Variants in BFSP2 observed in about 807,000 individuals in gnomAD.
BFSP2 encodes the protein phakinin.
Under a neutral mutation model 44.9 loss-of-function variants are expected in BFSP2, and 38 were observed. The observed-to-expected ratio is 0.85, with a 90% confidence interval of 0.65 to 1.11. BFSP2 has a LOEUF of 1.11. Ranked by LOEUF, BFSP2 falls within the 50% of genes least tolerant of loss-of-function variation. The pLI, the probability that BFSP2 is intolerant of heterozygous loss-of-function variation, is 0.00. For missense variants in BFSP2, 525 were observed against 533.0 expected (o/e 0.99, Z 0.15); for synonymous variants, 197 against 209.9 (o/e 0.94, Z 0.53).
At chr3:133,415,228 CT>C (rs2073508108) in intron 1 of BFSP2, among the ~76,000 whole-genome samples, 3 of 128,134 alleles carry the variant, frequency 2.3e-5, no homozygotes, top group Non-Finnish European at 5.0e-5. Flanking sequence ...CTCCCCTCAC[CT>C]CTGTCCTCTC....
rs1437332616 is a variant in BFSP2, at chr3:133,411,233, C to G, written c.489+10661C>G. Among the ~76,000 whole-genome samples, 3 of 147,506 alleles carry G rather than the reference C, an allele frequency of 2.0e-5. No individual in the cohort carries two copies. In the East Asian group the frequency reaches 5.9e-4, roughly 29 times the overall value. ...TCACCTTTGGAGCCCACTGAGGAACCAACTCATTTTTAAAACTGGTAAATA... is the reference window on the plus strand; with the variant it reads ...TCACCTTTGGAGCCCACTGAGGAACGAACTCATTTTTAAAACTGGTAAATA... On this transcript the variant is annotated intron_variant, in intron 1 of 6. Transcript: ENST00000302334.
At chr3:133,450,032 G>A (rs941732534) in intron 3 of BFSP2, among the ~76,000 whole-genome samples, 1 of 106,518 alleles carries the variant, frequency 9.4e-6, no homozygotes, top group Non-Finnish European at 2.0e-5. Context: ...GAGGGAGGGG[G>A]AGGGAAGGAG....
intron 6 of BFSP2, among the ~76,000 whole-genome samples, chr3:133,473,753 T>G (rs945263627): frequency 1.3e-5 from 2 of 151,826 alleles, no homozygotes; most frequent in Non-Finnish European, 2.9e-5. Context: ...CAGCACATGT[T>G]TCAGAGAGCA....
intron 1 of BFSP2, among the ~76,000 whole-genome samples, chr3:133,406,743 G>A (rs909129012): frequency 6.6e-6 from 1 of 152,094 alleles, no homozygotes; most frequent in African/African-American, 2.4e-5. Flanking sequence ...TCTCTCGTTG[G>A]TTAGAGGCAG....
In BFSP2 at chr3:133,425,770, A is replaced by C. The variant is rs1475836002; in HGVS notation, c.490-21547A>C. 3.9e-4 allele frequency among the ~76,000 whole-genome samples: 16 copies of C among 40,514 alleles called. 1 individual carries two copies. The highest frequency in any genetic ancestry group is 2.5e-3 in the African/African-American group (14 of 5,710). 26.6% of individuals were successfully genotyped at this position (40,514 alleles called of 152,430 possible). ...TCTAAGCAGGACAAAGGGATGGGAA[A>C]GGGAAAGGGAAAGGGAAGGGAAGGG... is the stretch of plus-strand genomic sequence containing the variant. On this transcript the variant is annotated intron_variant, in intron 1 of 6. Coordinates refer to ENST00000302334, the MANE Select transcript of BFSP2 (RefSeq NM_003571.4).
At chr3:133,401,880 G>C (rs2073365402) in intron 1 of BFSP2, among the ~76,000 whole-genome samples, 1 of 152,106 alleles carries the variant, frequency 6.6e-6, no homozygotes, top group Non-Finnish European at 1.5e-5. Flanking sequence ...ATCCCAGGAT[G>C]CTTCTCCTGC....
chr3:133,450,997 G>A (rs1027652418), intron 4 of BFSP2, among the ~76,000 whole-genome samples: 1 of 151,434 alleles, frequency 6.6e-6, no homozygotes, highest in South Asian at 2.1e-4. Flanking sequence ...TGTAGTCCCC[G>A]CTACTCGGGA....
intron 1 of BFSP2, among the ~76,000 whole-genome samples, chr3:133,437,413 C>G (rs1017543932): frequency 3.9e-5 from 6 of 151,996 alleles, no homozygotes; most frequent in East Asian, 3.9e-4. Context: ...ATCCCAGCTA[C>G]CCAGGAGGCT....
At chr3:133,424,130 C>T (rs542675490) in intron 1 of BFSP2, among the ~76,000 whole-genome samples, 61 of 151,730 alleles carry the variant, frequency 4.0e-4, no homozygotes, top group Non-Finnish European at 7.2e-4. Context: ...CGGCTCACTG[C>T]AACCTCCGCC....
rs1576603814 is a variant in BFSP2 at position 133,475,089 on chromosome 3, A to G, written c.*117A>G. 10 of 1,458,214 alleles carry G rather than the reference A, an allele frequency of 6.9e-6. No homozygotes were observed. The East Asian group carries it at 2.3e-4, about 33-fold the overall frequency. 90.3% of individuals were successfully genotyped at this position (1,458,214 alleles called of 1,614,324 possible). On this transcript the variant is annotated 3_prime_UTR_variant, in exon 7 of 7. Transcript: ENST00000302334. Reference sequence around the variant, plus strand: ...CCCTGCTGGATTCCCTGGTTAATTCAGCTTGAGCTGAAAAGCTTCCTGGAA... The same window carrying G: ...CCCTGCTGGATTCCCTGGTTAATTCGGCTTGAGCTGAAAAGCTTCCTGGAA...
In BFSP2 at chr3:133,439,403, G is replaced by T. The variant is rs186669285; in HGVS notation, c.490-7914G>T. ...CACCTATGTGCCAGGCACTGAACTGGGTGCTAAGGAAGCAGAGATGAGAGA... is the reference window on the plus strand; with the variant it reads ...CACCTATGTGCCAGGCACTGAACTGTGTGCTAAGGAAGCAGAGATGAGAGA... On this transcript the variant is annotated intron_variant, in intron 1 of 6. Coordinates refer to ENST00000302334, the MANE Select transcript of BFSP2 (RefSeq NM_003571.4). Among the ~76,000 whole-genome samples the T allele has an allele frequency of 1.4e-3, 214 of 152,342 alleles. 1 individual carries two copies. The highest frequency in any genetic ancestry group is 4.8e-3 in the African/African-American group (198 of 41,568).
intron 1 of BFSP2, among the ~76,000 whole-genome samples, chr3:133,446,610 AT>A (rs2073902368): frequency 2.1e-5 from 1 of 48,218 alleles, no homozygotes; most frequent in African/African-American, 9.8e-5. Context: ...ATATATATAT[AT>A]ATATATATAT....
At chr3:133,421,572 G>C (rs558919474) in intron 1 of BFSP2, among the ~76,000 whole-genome samples, 1 of 152,126 alleles carries the variant, frequency 6.6e-6, no homozygotes, top group African/African-American at 2.4e-5. Context: ...GATGACATCT[G>C]TAAAGATCTT....
intron 1 of BFSP2, among the ~76,000 whole-genome samples, chr3:133,424,592 T>C (rs2073626745): frequency 6.6e-6 from 1 of 152,138 alleles, no homozygotes; most frequent in African/African-American, 2.4e-5. Flanking sequence ...ATCATGGTCC[T>C]GATCCTTTTG....
chr3:133,404,614 A>T (rs1263415260), intron 1 of BFSP2, among the ~76,000 whole-genome samples: 3 of 152,204 alleles, frequency 2.0e-5, no homozygotes, highest in Non-Finnish European at 2.9e-5. Context: ...GAGCATCCCC[A>T]TTCCCCAGGG....
intron 1 of BFSP2, among the ~76,000 whole-genome samples, chr3:133,426,609 G>T (rs913624001): frequency 1.3e-5 from 2 of 152,196 alleles, no homozygotes; most frequent in Non-Finnish European, 2.9e-5. Context: ...CCACTCTGGG[G>T]CCTGGGACAA....
intron 1 of BFSP2, chr3:133,410,363 C>A: frequency 3.0e-6 from 1 of 328,134 alleles, no homozygotes; most frequent in African/African-American, 2.2e-5. Flanking sequence ...GACTGTGACT[C>A]ACATAGCAGT....
chr3:133,460,417 T>C (rs1657349879), intron 4 of BFSP2, among the ~76,000 whole-genome samples: 1 of 152,122 alleles, frequency 6.6e-6, no homozygotes, highest in African/African-American at 2.4e-5. Flanking sequence ...GGACCTTAAT[T>C]TGGTTTTTAA....
At chr3:133,416,276 CCTGTCCTCTGCCCTCTACTCAACT>C (rs2073527768) in intron 1 of BFSP2, among the ~76,000 whole-genome samples, 1 of 147,004 alleles carries the variant, frequency 6.8e-6, no homozygotes, top group East Asian at 2.0e-4. Flanking sequence ...TCTACTCACC[CCTGTCCTCTGCCCTCTACTCAACT>C]CTGTCCTCTC....
Sources: allele counts gnomAD v4.1 joint callset (sites outside exome capture counted in the v4.1 genomes callset), GRCh38; gene constraint gnomAD v4.1.1; transcripts MANE v1.5; gene names NCBI Gene and HGNC (gene_info 2026-07-23, HGNC 2026-07-21).